ERBIN: variants seen among roughly 807,000 people sequenced by gnomAD.
ERBIN encodes erbb2 interacting protein.
In ERBIN, 60 loss-of-function variants were observed where a neutral mutation model predicts 158.4. The observed-to-expected ratio is 0.38, with a 90% CI of 0.31 to 0.47. ERBIN has a LOEUF of 0.47. ERBIN is among the 20% of genes least tolerant of loss of function. The pLI, the probability that ERBIN is intolerant of heterozygous loss-of-function variation, is 0.99. For synonymous variants in ERBIN, 594 were observed against 557.2 expected (o/e 1.07, Z -0.93); for missense variants, 1,610 against 1,648.0 (o/e 0.98, Z 0.40).
At chr5:66,031,344 A>C (rs1756853995) in intron 14 of ERBIN, among the ~76,000 whole-genome samples, 1 of 152,220 alleles carries the variant, frequency 6.6e-6, no homozygotes, top group Non-Finnish European at 1.5e-5. Context: ...ATTCTCAGGA[A>C]CCATTTATTG....
At chr5:66,016,058 T>G (rs1229719122) in intron 7 of ERBIN, among the ~76,000 whole-genome samples, 1 of 152,216 alleles carries the variant, frequency 6.6e-6, no homozygotes, top group East Asian at 1.9e-4. Flanking sequence ...TTGGTTTCCC[T>G]TGATTATCTG....
chr5:65,970,782 A>G (rs757279199), intron 1 of ERBIN, among the ~76,000 whole-genome samples: 18 of 151,926 alleles, frequency 1.2e-4, no homozygotes, highest in Non-Finnish European at 2.6e-4. Flanking sequence ...ATTTTTAGAG[A>G]CAGGGTGTTG....
chr5:66,061,244 A>G (rs1434996922), intron 21 of ERBIN, among the ~76,000 whole-genome samples: 16 of 151,120 alleles, frequency 1.1e-4, no homozygotes, highest in Admixed American at 9.2e-4. Context: ...TTGGGTGCAT[A>G]TATATTTAGG....
At position 65,963,491 on chromosome 5, in the gene ERBIN, C is replaced by T. The variant is rs377119693; in HGVS notation, c.-57-25144C>T. On this transcript the variant is annotated intron_variant, in intron 1 of 25. Coordinates refer to ENST00000284037, the MANE Select transcript of ERBIN (RefSeq NM_001253697.2). Reference sequence around the variant, plus strand: ...CAGGTGCCTGTAATCCCAGCTACTCCGGAGGCTGAGGCAGGAGAATCGCTT... The same window carrying T: ...CAGGTGCCTGTAATCCCAGCTACTCTGGAGGCTGAGGCAGGAGAATCGCTT... 1.1e-4 allele frequency among the ~76,000 whole-genome samples: 17 copies of T among 151,924 alleles called. No individual in the cohort carries two copies. In the South Asian group the frequency reaches 1.7e-3, roughly 15 times the overall value.
chr5:65,930,003 A>G (rs1743170485), intron 1 of ERBIN, among the ~76,000 whole-genome samples: 1 of 152,146 alleles, frequency 6.6e-6, no homozygotes, highest in Non-Finnish European at 1.5e-5. Flanking sequence ...TCCTAATTGT[A>G]AAAAAGAAAC....
chr5:65,995,008 A>G, intron 4 of ERBIN, 144 bp downstream of exon 4: 2 of 594,364 alleles, frequency 3.4e-6, no homozygotes, highest in Non-Finnish European at 5.8e-6. Context: ...TGTTTTATGT[A>G]AAGATAGTTG....
At chr5:65,986,191 A>ATC (rs1173393529) in intron 1 of ERBIN, among the ~76,000 whole-genome samples, 2 of 152,262 alleles carry the variant, frequency 1.3e-5, no homozygotes, top group Middle Eastern at 6.8e-3. Flanking sequence ...CTCTTCCCAC[A>ATC]TCTCTGAATG....
intron 1 of ERBIN, among the ~76,000 whole-genome samples, chr5:65,944,499 T>C (rs1745495612): frequency 6.6e-6 from 1 of 152,094 alleles, no homozygotes; most frequent in Non-Finnish European, 1.5e-5. Context: ...CTTCCTCCCA[T>C]GCTCAAGCAA....
chr5:65,942,917 A>T (rs1745242535), intron 1 of ERBIN, among the ~76,000 whole-genome samples: 2 of 65,312 alleles, frequency 3.1e-5, no homozygotes, highest in South Asian at 1.5e-3. Context: ...CCAAAAAAAA[A>T]AAAAAAAATA....
chr5:66,042,502 T>C (rs901008105), intron 15 of ERBIN, among the ~76,000 whole-genome samples: 2 of 152,028 alleles, frequency 1.3e-5, no homozygotes, highest in African/African-American at 4.8e-5. Flanking sequence ...ATTCAAACTA[T>C]GCCAAAATCC....
chr5:65,990,757 A>C (rs1751783737), intron 2 of ERBIN, among the ~76,000 whole-genome samples: 2 of 150,876 alleles, frequency 1.3e-5, no homozygotes, highest in South Asian at 4.2e-4. Flanking sequence ...AAGTATAGTA[A>C]AAAAAAAATT....
At chr5:65,929,637 CTTTT>C (rs762687200) in intron 1 of ERBIN, among the ~76,000 whole-genome samples, 1 of 121,660 alleles carries the variant, frequency 8.2e-6, no homozygotes, top group Non-Finnish European at 1.7e-5. Context: ...GTCTTTTCCT[CTTTT>C]TTTTTTTTTT....
At position 65,944,636 on chromosome 5, in the gene ERBIN, C is replaced by G. The variant is rs184137411; in HGVS notation, c.-58+17830C>G. Among the ~76,000 whole-genome samples the G allele has an allele frequency of 2.1e-3, 326 of 152,260 alleles. 2 individuals carry two copies. The highest frequency in any genetic ancestry group is 7.7e-3 in the African/African-American group (320 of 41,552). On this transcript the variant is annotated intron_variant, in intron 1 of 25. Coordinates refer to ENST00000284037, the MANE Select transcript of ERBIN (RefSeq NM_001253697.2). The stretch of plus-strand genomic sequence containing the variant: ...GCCAGGCTGGTCTTGAACTCTTGGG[C>G]TCATGTGATCCACCTTGGCCTCCCA...
At chr5:66,011,978 ATAT>A (rs1754255634) in intron 4 of ERBIN, 68 bp from the exon 5 acceptor site, 8 of 932,416 alleles carry the variant, frequency 8.6e-6, no homozygotes, top group Admixed American at 2.2e-5. Context: ...TGGAAGGCAT[ATAT>A]TATTGTTACT....
At chr5:65,938,048 G>A (rs1411819097) in intron 1 of ERBIN, among the ~76,000 whole-genome samples, 1 of 152,178 alleles carries the variant, frequency 6.6e-6, no homozygotes, top group African/African-American at 2.4e-5. Context: ...TTTGATGTTT[G>A]ATGCCCTTTA....
At chr5:65,933,749 G>A (rs893771183) in intron 1 of ERBIN, among the ~76,000 whole-genome samples, 2 of 151,942 alleles carry the variant, frequency 1.3e-5, no homozygotes, top group Non-Finnish European at 1.5e-5. Context: ...TTATCTGTAG[G>A]TATACCCCTC....
chr5:66,050,223 A>ATTTTT (rs1758877152), intron 19 of ERBIN, among the ~76,000 whole-genome samples: 1 of 24,418 alleles, frequency 4.1e-5, no homozygotes, highest in Non-Finnish European at 8.7e-5. Context: ...ACTAAATCGA[A>ATTTTT]TTCTTTTTTT....
At chr5:65,997,847 C>G (rs754422606) in intron 4 of ERBIN, among the ~76,000 whole-genome samples, 1 of 152,064 alleles carries the variant, frequency 6.6e-6, no homozygotes, top group Non-Finnish European at 1.5e-5. Flanking sequence ...TACTATGAAG[C>G]ATTTTAGGGC....
intron 1 of ERBIN, among the ~76,000 whole-genome samples, chr5:65,941,922 A>T (rs1745101797): frequency 6.6e-6 from 1 of 152,040 alleles, no homozygotes; most frequent in Non-Finnish European, 1.5e-5. Context: ...TTGTATTTTT[A>T]GTAGAGATGG....
Sources: allele counts gnomAD v4.1 joint callset (sites outside exome capture counted in the v4.1 genomes callset), GRCh38; gene constraint gnomAD v4.1.1; transcripts MANE v1.5; gene names NCBI Gene and HGNC (gene_info 2026-07-23, HGNC 2026-07-21).